C12orf76: variants seen among roughly 807,000 people sequenced by gnomAD.
The protein encoded by C12orf76 is uncharacterized protein C12orf76.
In C12orf76, 6 loss-of-function variants were observed where a neutral mutation model predicts 6.8. The observed-to-expected ratio is 0.88, with a 90% CI of 0.48 to 1.73. The LOEUF (loss-of-function observed/expected upper bound fraction) is 1.73. Ranked by LOEUF, C12orf76 falls within the 40% of genes most tolerant of loss-of-function variation. The probability of loss-of-function intolerance (pLI) is 0.01; values close to 1 mark genes in which losing one functional copy is unlikely to be tolerated. For missense variants in C12orf76, 99 were observed against 98.2 expected, an observed-to-expected ratio of 1.01 and a Z score of -0.03; for synonymous variants, 56 against 43.7, an observed-to-expected ratio of 1.28 and a Z score of -1.11.
chr12:110,062,153 ACTTAGGAAGC>A (rs1892782050), intron 2 of C12orf76, among the ~76,000 whole-genome samples: 2 of 152,096 alleles, frequency 1.3e-5, no homozygotes, highest in Admixed American at 1.3e-4. Flanking sequence ...AATCCCAGCT[ACTTAGGAAGC>A]TGAGATAGGA....
chr12:110,066,762 C>T (rs113181811), intron 1 of C12orf76, among the ~76,000 whole-genome samples: 4 of 152,272 alleles, frequency 2.6e-5, no homozygotes, highest in African/African-American at 9.6e-5. Context: ...TGTCTGGTGC[C>T]TCCCCGACCT....
chr12:110,042,170 C>T lies in C12orf76; in HGVS notation c.*204G>A. ...ACAGTCAGAAACACTGAGAAGCGGA[C>T]TCAGGGGCCAATTATTTGCGCTACA... On this transcript the variant is annotated 3_prime_UTR_variant, in exon 2 of 2. Transcript: ENST00000615315. The T allele has an allele frequency of 8.6e-6, 5 of 582,640 alleles. No homozygotes were observed. The highest frequency in any genetic ancestry group is 1.5e-5 in the Non-Finnish European group (5 of 324,914). The allele number at this position is 582,640 out of a possible 1,614,324, so 36.1% of individuals were successfully genotyped here. A position where few individuals can be genotyped will look rare whatever the true frequency, so the allele number is the denominator to read the frequency against.
chr12:110,070,686 G>A (rs779368516), upstream of C12orf76, among the ~76,000 whole-genome samples: 8 of 152,166 alleles, frequency 5.3e-5, no homozygotes, highest in Non-Finnish European at 1.2e-4. Context: ...GCAGAAGGGG[G>A]CATTTACTAA....
At chr12:110,048,258 C>T (rs1401439510) in intron 1 of C12orf76, 105 bp downstream of exon 1, 1 of 1,330,896 alleles carries the variant, frequency 7.5e-7, no homozygotes, top group East Asian at 3.0e-5. Flanking sequence ...ACTCACCCAT[C>T]TCCCCACTCT....
intron 4 of C12orf76, chr12:110,057,111 C>T (rs183316463): frequency 4.7e-5 from 45 of 962,324 alleles, no homozygotes; most frequent in East Asian, 2.4e-4. Context: ...CAGATGGAGA[C>T]GAAGGTGTCC....
At chr12:110,073,350 A>T (rs570357729) in intron 1 of C12orf76, 40 of 488,694 alleles carry the variant, frequency 8.2e-5, no homozygotes, top group African/African-American at 7.2e-4. Flanking sequence ...TGTGCACCTG[A>T]AGCTGCCCCC....
chr12:110,052,393 CTT>C (rs1892594527), upstream of C12orf76, among the ~76,000 whole-genome samples: 1 of 151,992 alleles, frequency 6.6e-6, no homozygotes, highest in South Asian at 2.1e-4. Context: ...ACAGGGGTCT[CTT>C]TATGTTGCCC....
At chr12:110,050,835 T>C, upstream of C12orf76, 1 of 603,106 alleles carries the variant, frequency 1.7e-6, no homozygotes, top group Non-Finnish European at 2.9e-6. Flanking sequence ...GCCCTAATTC[T>C]TTCTTGCGCT....
At chr12:110,059,319 G>A (rs1271096066) in intron 2 of C12orf76, 2 of 991,300 alleles carry the variant, frequency 2.0e-6, no homozygotes, top group African/African-American at 3.3e-5. Context: ...TGTGATTAAA[G>A]ATAGTTTTAC....
chr12:110,061,173 A>G (rs1235776051), intron 2 of C12orf76, among the ~76,000 whole-genome samples: 1 of 151,828 alleles, frequency 6.6e-6, no homozygotes, highest in East Asian at 1.9e-4. Flanking sequence ...ATGTTCCATG[A>G]ACACTTCGAA....
At chr12:110,064,138 C>T (rs1003448508) in intron 2 of C12orf76, among the ~76,000 whole-genome samples, 5 of 152,186 alleles carry the variant, frequency 3.3e-5, no homozygotes, top group Admixed American at 2.0e-4. Flanking sequence ...CCCTTTAAGG[C>T]ATGGGGTCCA....
intron 3 of C12orf76, among the ~76,000 whole-genome samples, chr12:110,058,003 G>T (rs566297135): frequency 7.1e-6 from 1 of 141,704 alleles, no homozygotes; most frequent in East Asian, 2.0e-4. Flanking sequence ...GGCGGGGATT[G>T]CAGTGAGCCA....
At chr12:110,061,436 A>G (rs986359224) in intron 2 of C12orf76, among the ~76,000 whole-genome samples, 1 of 151,864 alleles carries the variant, frequency 6.6e-6, no homozygotes, top group Non-Finnish European at 1.5e-5. Context: ...CCAGGTCACC[A>G]TCAGCTTTCC....
At chr12:110,059,061 AGCG>A (rs1454742608) in exon 3 of C12orf76, 6 of 1,551,634 alleles carry the variant, frequency 3.9e-6, no homozygotes, top group Non-Finnish European at 5.2e-6. Flanking sequence ...GGTAAACAGC[AGCG>A]CCAGCTCTGA....
upstream of C12orf76, among the ~76,000 whole-genome samples, chr12:110,052,496 G>T (rs1892597594): frequency 6.6e-6 from 1 of 152,088 alleles, no homozygotes; most frequent in Admixed American, 6.6e-5. Flanking sequence ...ACACCAGGCT[G>T]CAGGAGCTAC....
chr12:110,060,726 T>A (rs1163873650), intron 2 of C12orf76, among the ~76,000 whole-genome samples: 1 of 152,146 alleles, frequency 6.6e-6, no homozygotes, highest in African/African-American at 2.4e-5. Flanking sequence ...CCCATCTATA[T>A]GCTGGTGATA....
At chr12:110,051,044 ACTT>A (rs1428967488), upstream of C12orf76, 4 of 779,284 alleles carry the variant, frequency 5.1e-6, no homozygotes, top group Non-Finnish European at 9.6e-6. Context: ...CTGTGCACCA[ACTT>A]CTTCATTTCT....
At chr12:110,056,940 C>T (rs909462632) in intron 4 of C12orf76, 19 of 449,904 alleles carry the variant, frequency 4.2e-5, no homozygotes, top group Non-Finnish European at 6.8e-5. Flanking sequence ...TACCTAGTCT[C>T]GAATATGTCT....
chr12:110,048,077 T>C (rs1892495646), intron 1 of C12orf76, among the ~76,000 whole-genome samples: 1 of 152,210 alleles, frequency 6.6e-6, no homozygotes, highest in South Asian at 2.1e-4. Context: ...GGTGTGCGCC[T>C]GTAATCCCAG....
Sources: allele counts gnomAD v4.1 joint callset (sites outside exome capture counted in the v4.1 genomes callset), GRCh38; gene constraint gnomAD v4.1.1; transcripts MANE v1.5; gene names NCBI Gene and HGNC (gene_info 2026-07-23, HGNC 2026-07-21).